The following MYO1E variants were observed in gnomAD, a reference collection of about 807,000 sequenced individuals.
MYO1E encodes unconventional myosin-Ie.
Under a neutral mutation model 151.1 loss-of-function variants are expected in MYO1E, and 68 were observed. That is an observed-to-expected ratio of 0.45 (90% CI 0.37 to 0.55). MYO1E has a LOEUF of 0.55. Among genes scored for constraint, MYO1E ranks in the 20% least tolerant of loss-of-function variants. MYO1E has a pLI of 0.00. For synonymous variants in MYO1E, 601 were observed against 501.7 expected (o/e 1.20, Z -2.64); for missense variants, 1,363 against 1,389.3 (o/e 0.98, Z 0.30).
chr15:59,272,578 T>C (rs1596394810), intron 1 of MYO1E, 129 bp from the exon 2 acceptor site: 3 of 1,031,064 alleles, frequency 2.9e-6, no homozygotes, highest in African/African-American at 3.2e-5. Context: ...AGAGAAAGAT[T>C]CTGCAATCAA....
chr15:59,149,026 G>A (rs1278705111), intron 26 of MYO1E, among the ~76,000 whole-genome samples: 1 of 150,556 alleles, frequency 6.6e-6, no homozygotes, highest in East Asian at 2.0e-4. Flanking sequence ...AGCAAAGGTG[G>A]GTGGATGAAC....
chr15:59,346,975 T>C (rs2140432532), intron 1 of MYO1E, among the ~76,000 whole-genome samples: 1 of 149,870 alleles, frequency 6.7e-6, no homozygotes, highest in South Asian at 2.1e-4. Flanking sequence ...TAAAGATGAA[T>C]GGAGGCCCCT....
chr15:59,158,808 G>A (rs780823179), intron 24 of MYO1E, among the ~76,000 whole-genome samples: 2 of 152,228 alleles, frequency 1.3e-5, no homozygotes, highest in East Asian at 1.9e-4. Flanking sequence ...ACCTGCCTAC[G>A]TCAAGCGCCT....
intron 9 of MYO1E, among the ~76,000 whole-genome samples, chr15:59,218,787 G>C (rs1406294398): frequency 6.6e-6 from 1 of 152,186 alleles, no homozygotes; most frequent in Non-Finnish European, 1.5e-5. Context: ...GATTTGAGCT[G>C]GGTGTAAAGG....
intron 4 of MYO1E, among the ~76,000 whole-genome samples, chr15:59,243,491 C>A (rs1041738183): frequency 6.6e-6 from 1 of 152,114 alleles, no homozygotes; most frequent in Non-Finnish European, 1.5e-5. Context: ...AGGTAAGAAA[C>A]TTGCTGAAGG....
chr15:59,176,974 C>T (rs932870983), intron 19 of MYO1E, among the ~76,000 whole-genome samples: 2 of 151,952 alleles, frequency 1.3e-5, no homozygotes, highest in Non-Finnish European at 2.9e-5. Context: ...TGAATATAAC[C>T]CCCTCCAACG....
At chr15:59,323,648 T>A (rs2080642813) in intron 1 of MYO1E, among the ~76,000 whole-genome samples, 2 of 149,472 alleles carry the variant, frequency 1.3e-5, no homozygotes, top group Admixed American at 1.3e-4. Flanking sequence ...AGAATGAGAC[T>A]CCGCCTCAAA....
intron 22 of MYO1E, among the ~76,000 whole-genome samples, chr15:59,168,901 C>G (rs564750904): frequency 1.3e-5 from 2 of 152,154 alleles, no homozygotes; most frequent in Non-Finnish European, 2.9e-5. Context: ...GGATTACAGG[C>G]GTGGGTCACT....
At position 59,267,978 on chromosome 15, in the gene MYO1E, A is replaced by C. The variant is rs535724880; in HGVS notation, c.147+4328T>G. The stretch of plus-strand genomic sequence containing the variant: ...GTGCATTCAGCCTGAATGCATTAAC[A>C]ATCGATCGCCCCAAATGCTGACTTT... On this transcript the variant is annotated intron_variant, in intron 2 of 27. Transcript: ENST00000288235. Among the ~76,000 whole-genome samples, 5 of 152,310 alleles carry C rather than the reference A, an allele frequency of 3.3e-5. No individual in the cohort carries two copies. The East Asian group carries it at 9.6e-4, about 29-fold the overall frequency.
At chr15:59,331,530 TCTC>T (rs2080698091) in intron 1 of MYO1E, among the ~76,000 whole-genome samples, 1 of 152,188 alleles carries the variant, frequency 6.6e-6, no homozygotes, top group Middle Eastern at 3.4e-3. Flanking sequence ...TCAGATAGAC[TCTC>T]CTCTCCTAGA....
intron 1 of MYO1E, among the ~76,000 whole-genome samples, chr15:59,292,047 C>T (rs1162299889): frequency 6.6e-6 from 1 of 152,180 alleles, no homozygotes; most frequent in Non-Finnish European, 1.5e-5. Flanking sequence ...TTAAAATCTA[C>T]CCAACACTCT....
Position 59,132,486 on chromosome 15 carries a change from G to A in MYO1E, c.*4894C>T, listed in dbSNP as rs1294492092. On this transcript the variant is annotated 3_prime_UTR_variant, in exon 28 of 28. Coordinates refer to ENST00000288235, the MANE Select transcript of MYO1E (RefSeq NM_004998.4). ...GTTAAATATTAAATGTCCTGACTTA[G>A]GAAATTCTTCCAGGATGTCATAAAA... The A allele has an allele frequency of 1.3e-5, 2 of 152,088 alleles. No homozygotes were observed. Among genetic ancestry groups the A allele is most frequent in the East Asian group, 3.8e-4 (2 of 5,202 alleles). The allele number at this position is 152,088 out of a possible 1,614,324, so 9.4% of individuals were successfully genotyped here.
chr15:59,201,134 G>T (rs2079799040), intron 16 of MYO1E, among the ~76,000 whole-genome samples: 1 of 150,868 alleles, frequency 6.6e-6, no homozygotes, highest in Non-Finnish European at 1.5e-5. Context: ...TGGAGACAGG[G>T]TCTCGTTCTG....
At chr15:59,217,040 G>C (rs2079923126) in intron 10 of MYO1E, among the ~76,000 whole-genome samples, 1 of 152,050 alleles carries the variant, frequency 6.6e-6, no homozygotes, top group South Asian at 2.1e-4. Flanking sequence ...CAGCCACATG[G>C]GCAATCCATC....
intron 1 of MYO1E, among the ~76,000 whole-genome samples, chr15:59,285,266 T>G (rs553101372): frequency 1.3e-5 from 2 of 152,002 alleles, no homozygotes; most frequent in East Asian, 3.9e-4. Flanking sequence ...GTTCATGTCC[T>G]TCATCTCAGT....
intron 4 of MYO1E, among the ~76,000 whole-genome samples, chr15:59,247,709 C>T (rs746822495): frequency 5.3e-5 from 8 of 152,274 alleles, no homozygotes; most frequent in Admixed American, 1.3e-4. Flanking sequence ...ATTAATGCTC[C>T]AAGGCCACCA....
chr15:59,316,577 C>T (rs72746884), intron 1 of MYO1E, among the ~76,000 whole-genome samples: 3,211 of 152,302 alleles, frequency 0.021, 47 homozygotes, highest in Middle Eastern at 0.041. Context: ...TAACTGCATA[C>T]GCTTTTTTAC....
At chr15:59,252,489 C>T (rs560085859) in intron 4 of MYO1E, among the ~76,000 whole-genome samples, 6 of 152,188 alleles carry the variant, frequency 3.9e-5, no homozygotes, top group African/African-American at 9.6e-5. Flanking sequence ...CTAAGACAGG[C>T]GGATTACCTG....
rs779639091 is a variant in MYO1E, at chr15:59,188,124, A to C, written c.1898T>G (p.Leu633Arg). ...AGAGTCACTAGTTCATTACCTCTGTAGGAATTTTTGGAAGATGCGCCGATA... is the reference window on the plus strand; with the variant it reads ...AGAGTCACTAGTTCATTACCTCTGTCGGAATTTTTGGAAGATGCGCCGATA... ...YAYRRIFQKF[L>R]QRYAILTKAT... The change falls in exon 18 of 28, where the codon CTA becomes CGA. Residue 633 changes from leucine (L) to arginine (R), a missense_variant. By Grantham distance (102) the Leu-to-Arg change is moderately radical (BLOSUM62 -2). Coordinates refer to ENST00000288235, the MANE Select transcript of MYO1E (RefSeq NM_004998.4). 3 of 1,612,614 alleles carry C rather than the reference A, an allele frequency of 1.9e-6. No individual in the cohort carries two copies. Among genetic ancestry groups the C allele is most frequent in the Non-Finnish European group, 2.5e-6 (3 of 1,178,754 alleles).
Sources: gnomAD v4.1 joint callset for allele counts (sites outside exome capture counted in the v4.1 genomes callset) on GRCh38, gnomAD v4.1.1 for gene constraint, MANE v1.5 for transcripts, NCBI Gene and HGNC (gene_info 2026-07-23, HGNC 2026-07-21) for gene names.